VIL1: variants seen among roughly 807,000 people sequenced by gnomAD.
VIL1 encodes villin 1.
In VIL1, 86 loss-of-function variants were observed where a neutral mutation model predicts 104.0. The ratio of observed to expected loss-of-function variants is 0.83; its 90% CI spans 0.69 to 0.99. VIL1 has a LOEUF of 0.99. Among genes scored for constraint, VIL1 ranks in the 50% least tolerant of loss-of-function variants. VIL1 has a pLI of 0.00. For missense variants in VIL1, 944 were observed against 1,054.1 expected (o/e 0.90, Z 1.45); for synonymous variants, 394 against 412.6 (o/e 0.95, Z 0.55).
At chr2:218,448,165 T>A (rs1574822065) in intron 19 of VIL1, among the ~76,000 whole-genome samples, 1 of 150,816 alleles carries the variant, frequency 6.6e-6, no homozygotes, top group South Asian at 2.1e-4. Context: ...GAGGCTGAGG[T>A]GGGAGGATTG....
intron 13 of VIL1, among the ~76,000 whole-genome samples, chr2:218,433,211 G>A (rs1382272306): frequency 2.0e-5 from 3 of 152,162 alleles, no homozygotes; most frequent in Admixed American, 6.5e-5. Flanking sequence ...TGAGGCGGGT[G>A]GATCACCTGA....
At chr2:218,443,421 C>T (rs2384807) in intron 19 of VIL1, among the ~76,000 whole-genome samples, 70,288 of 151,620 alleles carry the variant, frequency 0.46, 19,451 homozygotes, top group East Asian at 0.78. Context: ...TGGTCTCAAA[C>T]TCCTGACCTT....
intron 10 of VIL1, among the ~76,000 whole-genome samples, chr2:218,431,448 C>T (rs976731296): frequency 6.6e-6 from 1 of 151,646 alleles, no homozygotes; most frequent in African/African-American, 2.4e-5. Context: ...GCTTCAGTCT[C>T]TTACCAGCCA....
At position 218,434,603 on chromosome 2, in the gene VIL1, C is replaced by CA; in HGVS notation, c.1580dup (p.Asn527LysfsTer6). The CA allele has an allele frequency of 1.9e-6, 3 of 1,614,182 alleles. No homozygotes were observed. The highest frequency in any genetic ancestry group is 2.5e-6 in the Non-Finnish European group (3 of 1,180,032). ...TCCAGGTCCAGGGAACTGGCGCCAA[C>CA]AACACCAAGGCCTTTGAGGTCCCAG... is the stretch of plus-strand genomic sequence containing the variant. On this transcript the variant is annotated frameshift_variant, in exon 14 of 20. Coordinates refer to ENST00000248444, the MANE Select transcript of VIL1 (RefSeq NM_007127.3). LOFTEE classifies it high-confidence loss of function.
intron 1 of VIL1, among the ~76,000 whole-genome samples, chr2:218,422,928 G>A (rs1191118488): frequency 6.6e-6 from 1 of 152,162 alleles, no homozygotes; most frequent in Non-Finnish European, 1.5e-5. Flanking sequence ...TCACTGGGGA[G>A]TTTTAAAAGC....
rs77617616 is a variant in VIL1 at position 218,432,839 on chromosome 2, C to T, written c.1388C>T (p.Ala463Val). 218 of 1,614,202 alleles carry T rather than the reference C, an allele frequency of 1.4e-4. 3 individuals carry two copies. In the African/African-American group the frequency reaches 2.3e-3, roughly 17 times the overall value. The change falls in exon 13 of 20, where the codon GCC (alanine) becomes GTC (valine). Residue 463 changes from alanine to valine, a missense_variant. Ala to Val is a moderately conservative substitution (Grantham distance 64, BLOSUM62 0). Coordinates refer to ENST00000248444, the MANE Select transcript of VIL1 (RefSeq NM_007127.3). ...QDEITASAYQAVILDQKYNGE... is the reference protein window; with the variant it reads ...QDEITASAYQVVILDQKYNGE... ...GAAATTACAGCATCAGCTTATCAAG[C>T]CGTCATCCTGGACCAGAAGTACAAT...
At chr2:218,432,453 G>A (rs1689115430) in intron 12 of VIL1, 8 of 698,880 alleles carry the variant, frequency 1.1e-5, no homozygotes, top group Admixed American at 4.1e-5. Context: ...GTCTAGATGC[G>A]AGGGAGCAGG....
Position 218,429,609 on chromosome 2 carries a change from C to T in VIL1, c.783C>T (p.Ser261=), listed in dbSNP as rs150029516. 3.9e-4 allele frequency: 631 copies of T among 1,614,056 alleles called. 1 individual carries two copies. Among genetic ancestry groups the T allele is most frequent in the Middle Eastern group, 3.8e-3 (23 of 6,062 alleles). The part of the protein sequence containing the change: ...AALKLYHVSD[S]EGNLVVREVA... ...TTCTGTCCTGCAGTGTGTCTGACTC[C>T]GAGGGGAATCTGGTGGTGAGGGAAG... is the stretch of plus-strand genomic sequence containing the variant. Residue 261 remains serine (S), a synonymous_variant, in exon 8 of 20, where the codon TCC becomes TCT. Transcript: ENST00000248444.
At position 218,425,830 on chromosome 2, in the gene VIL1, A is replaced by G. The variant is rs753827546; in HGVS notation, c.347+19A>G. 14 of 1,590,242 alleles carry G rather than the reference A, an allele frequency of 8.8e-6. No homozygotes were observed. The African/African-American group carries it at 1.7e-4, about 20-fold the overall frequency. ...GCCTTGTGTAGGGAGGGTGGGCTGC[A>G]GGCCGGGGGAATGAGGATGAGTGGT... On this transcript the variant is annotated intron_variant, in intron 4 of 19. Coordinates refer to ENST00000248444, the MANE Select transcript of VIL1 (RefSeq NM_007127.3).
chr2:218,424,513 G>A (rs559035228), intron 3 of VIL1, among the ~76,000 whole-genome samples, 162 bp downstream of exon 3: 1 of 152,290 alleles, frequency 6.6e-6, no homozygotes, highest in African/African-American at 2.4e-5. Flanking sequence ...GCTTCACAGA[G>A]GTCAGAGGCT....
chr2:218,432,166 C>T lies in VIL1; in HGVS notation c.1324C>T (p.Leu442=). The T allele has an allele frequency of 1.9e-6, 3 of 1,613,544 alleles. No individual in the cohort carries two copies. The highest frequency in any genetic ancestry group is 8.5e-7 in the Non-Finnish European group (1 of 1,179,872). ...TYLIGEKQHY[L]LYVWQGSQAS... The stretch of plus-strand genomic sequence containing the variant: ...CCTCATCGGCGAGAAGCAGCATTAC[C>T]TGCTCTACGTTTGGCAGGTCAGGTC... The change falls in exon 12 of 20, where the codon CTG becomes TTG. Residue 442 remains leucine, a synonymous_variant. Transcript: ENST00000248444.
At chr2:218,444,943 G>C (rs879360018) in intron 19 of VIL1, among the ~76,000 whole-genome samples, 1 of 152,140 alleles carries the variant, frequency 6.6e-6, no homozygotes, top group African/African-American at 2.4e-5. Context: ...TTGACAAAGC[G>C]GAAGAGCCAG....
chr2:218,444,495 G>A (rs1002771561), intron 19 of VIL1, among the ~76,000 whole-genome samples: 1 of 150,368 alleles, frequency 6.7e-6, no homozygotes, highest in Non-Finnish European at 1.5e-5. Context: ...AGCCAGGATG[G>A]TCTCGATCTC....
Position 218,423,825 on chromosome 2 carries a change from C to G in VIL1, c.47C>G (p.Thr16Ser), listed in dbSNP as rs1688932899. The G allele has an allele frequency of 6.2e-7, 1 of 1,614,186 alleles. No homozygotes were observed. Among genetic ancestry groups the G allele is most frequent in the Non-Finnish European group, 8.5e-7 (1 of 1,180,022 alleles). ...AQVKGSLNIT[T>S]PGLQIWRIEA... ...GTCAAAGGCTCTCTCAACATCACCA[C>G]CCCGGGGCTGCAGATATGGAGGATC... Residue 16 changes from threonine to serine, a missense_variant, in exon 2 of 20, where the codon ACC becomes AGC. Thr to Ser is a moderately conservative substitution (Grantham distance 58, BLOSUM62 1). Transcript: ENST00000248444.
intron 3 of VIL1, 23 bp from the exon 4 acceptor site, chr2:218,425,592 T>TAC: frequency 6.2e-7 from 1 of 1,612,386 alleles, no homozygotes; most frequent in Non-Finnish European, 8.5e-7. Flanking sequence ...GGGTCTCGGG[T>TAC]ACACTGGACA....
At position 218,432,908 on chromosome 2, in the gene VIL1, C is replaced by A; in HGVS notation, c.1457C>A (p.Pro486His). The change falls in exon 13 of 20, where the codon CCT becomes CAT. Residue 486 changes from proline to histidine, a missense_variant. Transcript: ENST00000248444. ...QIRVPMGKEP[P>H]HLMSIFKGRM... ...CGGGTCCCAATGGGCAAGGAGCCAC[C>A]TCATCTTATGTCCATCTTCAAGGGA... 6.2e-7 allele frequency: 1 copy of A among 1,614,220 alleles called. No individual in the cohort carries two copies. Among genetic ancestry groups the A allele is most frequent in the Non-Finnish European group, 8.5e-7 (1 of 1,180,034 alleles).
intron 13 of VIL1, 64 bp downstream of exon 13, chr2:218,433,015 G>A: frequency 6.3e-7 from 1 of 1,596,854 alleles, no homozygotes; most frequent in African/African-American, 1.3e-5. Flanking sequence ...TCCGGGAGAT[G>A]GAGAAGGGGA....
At position 218,436,383 on chromosome 2, in the gene VIL1, C is replaced by A; in HGVS notation, c.1827-99C>A. 2.0e-6 allele frequency: 3 copies of A among 1,472,640 alleles called. No individual in the cohort carries two copies. The South Asian group carries it at 4.2e-5, about 20-fold the overall frequency. The allele number at this position is 1,472,640 out of a possible 1,614,324, so 91.2% of individuals were successfully genotyped here. The stretch of plus-strand genomic sequence containing the variant: ...AGATAGAGCATTTTGCTGGAGATGA[C>A]CTTTCTATGCCAGAGTCCCTTCCTC... On this transcript the variant is annotated intron_variant, in intron 15 of 19. Coordinates refer to ENST00000248444, the MANE Select transcript of VIL1 (RefSeq NM_007127.3).
chr2:218,431,593 C>T (rs1689099415), intron 10 of VIL1, among the ~76,000 whole-genome samples: 1 of 152,104 alleles, frequency 6.6e-6, no homozygotes, highest in Admixed American at 6.5e-5. Flanking sequence ...CTGCAGGGGT[C>T]AGGACGTAGA....
Sources: allele counts gnomAD v4.1 joint callset (sites outside exome capture counted in the v4.1 genomes callset), GRCh38; gene constraint gnomAD v4.1.1; transcripts MANE v1.5; gene names NCBI Gene and HGNC (gene_info 2026-07-23, HGNC 2026-07-21).